Variants in PCSK5 observed in about 807,000 individuals in gnomAD.
PCSK5 encodes the protein proprotein convertase subtilisin/kexin type 5.
Under a neutral mutation model 233.2 loss-of-function variants are expected in PCSK5, and 129 were observed. The observed-to-expected ratio is 0.55, with a 90% CI of 0.48 to 0.64. The LOEUF (loss-of-function observed/expected upper bound fraction) is 0.64. PCSK5 is among the 30% of genes least tolerant of loss of function. The probability of loss-of-function intolerance (pLI) is 0.00; values close to 1 mark genes in which losing one functional copy is unlikely to be tolerated. For missense variants in PCSK5, 2,076 were observed against 2,430.1 expected (o/e 0.85, Z 3.06); for synonymous variants, 825 against 879.2 (o/e 0.94, Z 1.09).
intron 2 of PCSK5, among the ~76,000 whole-genome samples, chr9:75,936,063 C>G (rs1292676911): frequency 6.6e-6 from 1 of 152,182 alleles, no homozygotes. Context: ...TCATACTATC[C>G]TGTAGTCTAT....
intron 9 of PCSK5, among the ~76,000 whole-genome samples, 180 bp from the exon 10 acceptor site, chr9:76,133,929 C>T (rs2131746188): frequency 6.6e-6 from 1 of 152,202 alleles, no homozygotes; most frequent in South Asian, 2.1e-4. Context: ...ACTAATGTCA[C>T]TTCTCCATGT....
At chr9:76,100,176 TA>T (rs1831697348) in intron 8 of PCSK5, among the ~76,000 whole-genome samples, 1 of 152,220 alleles carries the variant, frequency 6.6e-6, no homozygotes, top group Non-Finnish European at 1.5e-5. Flanking sequence ...CCTTATATCT[TA>T]TTACAGCAAA....
chr9:76,348,995 G>A lies in PCSK5; in HGVS notation c.4967-1833G>A, dbSNP rs540614683. Among the ~76,000 whole-genome samples, 4 of 152,184 alleles carry A rather than the reference G, an allele frequency of 2.6e-5. No individual in the cohort carries two copies. In the South Asian group the frequency reaches 8.3e-4, roughly 32 times the overall value. On this transcript the variant is annotated intron_variant, in intron 35 of 37. Transcript: ENST00000674117. ...TTTTAGAAAAATGTAGAATGGGCTG[G>A]GTGTGGTGGCTCACGCCTGTAATCC... is the stretch of plus-strand genomic sequence containing the variant.
chr9:76,352,756 A>G (rs1251159264), intron 36 of PCSK5, among the ~76,000 whole-genome samples: 2 of 152,304 alleles, frequency 1.3e-5, no homozygotes, highest in East Asian at 1.9e-4. Context: ...ACATATTTAC[A>G]TATGAGCACT....
chr9:75,906,233 A>G (rs1278334135), intron 1 of PCSK5, among the ~76,000 whole-genome samples: 1 of 149,444 alleles, frequency 6.7e-6, no homozygotes, highest in Non-Finnish European at 1.5e-5. Context: ...GCAGATACCT[A>G]TTTTTTTTTT....
chr9:76,310,490 GA>G (rs1015458019), intron 29 of PCSK5, among the ~76,000 whole-genome samples, 165 bp from the exon 30 acceptor site: 15 of 152,172 alleles, frequency 9.9e-5, no homozygotes, highest in African/African-American at 3.1e-4. Context: ...TTGCCTTCTA[GA>G]AATGTAACTC....
chr9:76,127,514 A>C (rs886587388), intron 9 of PCSK5, among the ~76,000 whole-genome samples: 1 of 152,258 alleles, frequency 6.6e-6, no homozygotes, highest in African/African-American at 2.4e-5. Context: ...TGTGAAAACC[A>C]GATCTTTTTG....
intron 31 of PCSK5, among the ~76,000 whole-genome samples, chr9:76,322,680 A>G (rs1219337793): frequency 6.6e-6 from 1 of 152,256 alleles, no homozygotes; most frequent in East Asian, 1.9e-4. Flanking sequence ...TTCTGTGTTG[A>G]AAACAGTGTG....
In PCSK5 at chr9:75,952,307, A is replaced by G. The variant is rs185110173; in HGVS notation, c.297+19824A>G. On this transcript the variant is annotated intron_variant, in intron 2 of 37. Transcript: ENST00000674117. ...GGTCTTTGAGTTTGGACAAAAGTCT[A>G]TATCCCTGTCAAGATACAGACTGTC... 3.9e-3 allele frequency among the ~76,000 whole-genome samples: 599 copies of G among 152,326 alleles called. 4 individuals carry two copies. The highest frequency in any genetic ancestry group is 0.024 in the Middle Eastern group (7 of 294).
intron 2 of PCSK5, among the ~76,000 whole-genome samples, chr9:75,971,539 C>T (rs1279452344): frequency 1.3e-5 from 2 of 152,202 alleles, no homozygotes; most frequent in Non-Finnish European, 2.9e-5. Flanking sequence ...AACTAATTTA[C>T]ATTCCCACCA....
chr9:75,928,067 C>T (rs181385944), intron 1 of PCSK5, among the ~76,000 whole-genome samples: 14 of 152,246 alleles, frequency 9.2e-5, no homozygotes, highest in Admixed American at 7.8e-4. Context: ...GAATTAGGAA[C>T]AAGAGATGAC....
At chr9:76,144,902 C>T (rs753498764) in intron 10 of PCSK5, among the ~76,000 whole-genome samples, 11 of 152,020 alleles carry the variant, frequency 7.2e-5, no homozygotes, top group South Asian at 2.1e-4. Flanking sequence ...CCGAAGTGGG[C>T]GGATCACGAG....
At position 76,040,437 on chromosome 9, in the gene PCSK5, G is replaced by C. The variant is rs141650452; in HGVS notation, c.632+13400G>C. ...TCAACAGGTCTTTCCTCATAGATCA[G>C]CTGTGTCTTTTTATTGATCCTTAGC... On this transcript the variant is annotated intron_variant, in intron 5 of 37. Transcript: ENST00000674117. 3.0e-3 allele frequency among the ~76,000 whole-genome samples: 400 copies of C among 131,836 alleles called. 1 individual carries two copies. The highest frequency in any genetic ancestry group is 0.011 in the African/African-American group (385 of 34,516). The allele number at this position is 131,836 out of a possible 152,430, so 86.5% of individuals were successfully genotyped here.
chr9:76,037,159 T>C (rs1011074908), intron 5 of PCSK5, among the ~76,000 whole-genome samples: 3 of 152,084 alleles, frequency 2.0e-5, no homozygotes, highest in Non-Finnish European at 2.9e-5. Flanking sequence ...GAGCTTGGAA[T>C]AGCAAGGAGT....
chr9:76,105,243 C>A (rs1831929496), intron 8 of PCSK5, among the ~76,000 whole-genome samples: 1 of 152,092 alleles, frequency 6.6e-6, no homozygotes, highest in South Asian at 2.1e-4. Context: ...TATGGATAAA[C>A]CTTGAGGACA....
At chr9:75,897,568 G>A (rs1392988111) in intron 1 of PCSK5, among the ~76,000 whole-genome samples, 2 of 141,728 alleles carry the variant, frequency 1.4e-5, no homozygotes, top group African/African-American at 5.3e-5. Flanking sequence ...ATCTCAGCTC[G>A]CTGCAACCGC....
At chr9:76,024,489 A>C (rs1385683111) in intron 4 of PCSK5, among the ~76,000 whole-genome samples, 1 of 152,232 alleles carries the variant, frequency 6.6e-6, no homozygotes, top group Non-Finnish European at 1.5e-5. Context: ...TGATAGGAGA[A>C]TAAACTGTAG....
intron 9 of PCSK5, among the ~76,000 whole-genome samples, chr9:76,120,603 C>G (rs1025000750): frequency 6.6e-6 from 1 of 151,630 alleles, no homozygotes; most frequent in African/African-American, 2.4e-5. Context: ...TATTGCTTAT[C>G]TATAACAGAG....
intron 1 of PCSK5, among the ~76,000 whole-genome samples, chr9:75,902,499 G>C (rs185848264): frequency 2.6e-5 from 4 of 152,098 alleles, no homozygotes; most frequent in African/African-American, 4.8e-5. Flanking sequence ...AGAAAGATGA[G>C]AGCCAACCCA....
Sources: gnomAD v4.1 joint callset for allele counts (sites outside exome capture counted in the v4.1 genomes callset) on GRCh38, gnomAD v4.1.1 for gene constraint, MANE v1.5 for transcripts, NCBI Gene and HGNC (gene_info 2026-07-23, HGNC 2026-07-21) for gene names.